The following ADAMTS20 variants were observed in gnomAD, a reference collection of about 807,000 sequenced individuals.
ADAMTS20 encodes the protein A disintegrin and metalloproteinase with thrombospondin motifs 20.
ADAMTS20 carries 225 observed loss-of-function variants against 260.1 expected under a neutral mutation model. That is an observed-to-expected ratio of 0.87 (90% CI 0.78 to 0.97). The LOEUF is 0.97. Among genes scored for constraint, ADAMTS20 ranks in the 50% least tolerant of loss-of-function variants. The pLI is 0.00. For missense variants in ADAMTS20, 2,400 were observed against 2,337.7 expected (o/e 1.03, Z -0.55); for synonymous variants, 802 against 769.5 (o/e 1.04, Z -0.70).
At chr12:43,494,270 T>C (rs1401553128) in intron 4 of ADAMTS20, among the ~76,000 whole-genome samples, 1 of 152,196 alleles carries the variant, frequency 6.6e-6, no homozygotes, top group Non-Finnish European at 1.5e-5. Flanking sequence ...CTTTGTTGGC[T>C]AGAGAAGCAG....
intron 3 of ADAMTS20, among the ~76,000 whole-genome samples, chr12:43,515,359 T>C (rs1199761632): frequency 6.6e-6 from 1 of 152,242 alleles, no homozygotes; most frequent in Admixed American, 6.5e-5. Context: ...CCTTTTGTTA[T>C]TAACTCTGTA....
chr12:43,354,167 A>G lies in ADAMTS20; in HGVS notation c.*42T>C, dbSNP rs374443025. On this transcript the variant is annotated 3_prime_UTR_variant, in exon 39 of 39. Coordinates refer to ENST00000389420, the MANE Select transcript of ADAMTS20 (RefSeq NM_025003.5). Reference sequence around the variant, plus strand: ...AGCACCAGTTATTTGAATATTCCAGAGAATATCCCCTCTTTAGGGCATACT... The same window carrying G: ...AGCACCAGTTATTTGAATATTCCAGGGAATATCCCCTCTTTAGGGCATACT... 62 of 1,375,514 alleles carry G rather than the reference A, an allele frequency of 4.5e-5. No homozygotes were observed. The African/African-American group carries it at 7.8e-4, about 17-fold the overall frequency. The allele number at this position is 1,375,514 out of a possible 1,614,324, so 85.2% of individuals were successfully genotyped here.
intron 26 of ADAMTS20, 103 bp from the exon 27 acceptor site, chr12:43,427,572 C>T (rs1166541808): frequency 8.9e-6 from 10 of 1,118,084 alleles, no homozygotes; most frequent in Non-Finnish European, 1.2e-5. Context: ...AAAATCAAAC[C>T]CTACATTAGA....
At chr12:43,518,281 A>G (rs116384449) in intron 3 of ADAMTS20, among the ~76,000 whole-genome samples, 303 of 152,248 alleles carry the variant, frequency 2.0e-3, no homozygotes, top group African/African-American at 6.9e-3. Flanking sequence ...AAGGTCACCA[A>G]TCACCTACTT....
At chr12:43,412,361 T>A (rs1292010769) in intron 28 of ADAMTS20, among the ~76,000 whole-genome samples, 1 of 152,250 alleles carries the variant, frequency 6.6e-6, no homozygotes, top group Non-Finnish European at 1.5e-5. Flanking sequence ...AAAGTTGCAA[T>A]GTATATGCAC....
chr12:43,431,464 C>T lies in ADAMTS20; in HGVS notation c.3129G>A (p.Gln1043=), dbSNP rs1176157690. The change falls in exon 22 of 39, where the codon CAG becomes CAA. Residue 1043 remains glutamine (Q), a synonymous_variant. Coordinates refer to ENST00000389420, the MANE Select transcript of ADAMTS20 (RefSeq NM_025003.5). ...CLVTCGKGTK[Q]RQVWCQLNVD... is the part of the protein sequence containing the mutation. ...CATTCAGCTGACACCATACCTGCCGCTGCTTTGTTCCTTTACCACATGTAA... is the reference window on the plus strand; with the variant it reads ...CATTCAGCTGACACCATACCTGCCGTTGCTTTGTTCCTTTACCACATGTAA... 8 of 1,613,850 alleles carry T rather than the reference C, an allele frequency of 5.0e-6. No individual in the cohort carries two copies. The highest frequency in any genetic ancestry group is 6.8e-6 in the Non-Finnish European group (8 of 1,179,876).
intron 28 of ADAMTS20, chr12:43,423,526 G>C (rs1239914611): frequency 1.7e-6 from 1 of 581,738 alleles, no homozygotes; most frequent in African/African-American, 1.9e-5. Flanking sequence ...CTCATTAGCA[G>C]TTAGGATTCT....
At chr12:43,445,629 G>C (rs187446766) in intron 15 of ADAMTS20, among the ~76,000 whole-genome samples, 173 of 151,990 alleles carry the variant, frequency 1.1e-3, no homozygotes, top group African/African-American at 4.1e-3. Context: ...AGGATCCCTT[G>C]AGGCTAGGAG....
intron 29 of ADAMTS20, among the ~76,000 whole-genome samples, chr12:43,393,317 G>A (rs1940634884): frequency 6.6e-6 from 1 of 151,970 alleles, no homozygotes; most frequent in South Asian, 2.1e-4. Flanking sequence ...GAAGCTGTAA[G>A]TGCAATTATA....
At chr12:43,503,320 G>C (rs1051328654) in intron 3 of ADAMTS20, among the ~76,000 whole-genome samples, 1 of 152,090 alleles carries the variant, frequency 6.6e-6, no homozygotes, top group East Asian at 1.9e-4. Context: ...AAGAAATAAA[G>C]GTCCTGGATA....
chr12:43,475,954 A>C (rs1001275861), intron 7 of ADAMTS20, among the ~76,000 whole-genome samples: 1 of 134,786 alleles, frequency 7.4e-6, no homozygotes, highest in African/African-American at 2.8e-5. Flanking sequence ...CATGTCCAAA[A>C]CACCAAAAGC....
rs578096371 is a variant in ADAMTS20 at position 43,393,742 on chromosome 12, C to A, written c.4452+5324G>T. ...CAAGGGAATCAATAATATAGTAGTA[C>A]CATTAGCAGTAGTATAGTATTTTGA... On this transcript the variant is annotated intron_variant, in intron 29 of 38. Coordinates refer to ENST00000389420, the MANE Select transcript of ADAMTS20 (RefSeq NM_025003.5). Among the ~76,000 whole-genome samples the A allele has an allele frequency of 1.6e-4, 25 of 151,910 alleles. 1 individual carries two copies. The South Asian group carries it at 5.0e-3, about 30-fold the overall frequency.
chr12:43,375,253 G>A, intron 36 of ADAMTS20, 126 bp downstream of exon 36: 5 of 789,640 alleles, frequency 6.3e-6, no homozygotes, highest in East Asian at 4.1e-5. Context: ...TTTAAAAAAA[G>A]TAAGTAATTT....
rs182051571 is a variant in ADAMTS20 at position 43,396,138 on chromosome 12, C to T, written c.4452+2928G>A. ...TATACATTTGAACATAGAGGACAAA[C>T]GGCCCTGTATAGCAATGTTTGTTCC... On this transcript the variant is annotated intron_variant, in intron 29 of 38. Coordinates refer to ENST00000389420, the MANE Select transcript of ADAMTS20 (RefSeq NM_025003.5). Among the ~76,000 whole-genome samples, 639 of 151,856 alleles carry T rather than the reference C, an allele frequency of 4.2e-3. 4 individuals carry two copies. Among genetic ancestry groups the T allele is most frequent in the Non-Finnish European group, 7.4e-3 (506 of 67,954 alleles).
chr12:43,382,825 G>A (rs1202497939), intron 31 of ADAMTS20, among the ~76,000 whole-genome samples: 1 of 139,688 alleles, frequency 7.2e-6, no homozygotes, highest in Non-Finnish European at 1.5e-5. Context: ...TAATGGCTTA[G>A]ATAAAAAAAC....
At chr12:43,498,008 G>A (rs1942701380) in intron 4 of ADAMTS20, among the ~76,000 whole-genome samples, 1 of 152,002 alleles carries the variant, frequency 6.6e-6, no homozygotes, top group South Asian at 2.1e-4. Context: ...TACATTTTTA[G>A]TAGCTTAATA....
chr12:43,371,475 A>C lies in ADAMTS20; in HGVS notation c.5447-2094T>G, dbSNP rs149099501. On this transcript the variant is annotated intron_variant, in intron 36 of 38. Coordinates refer to ENST00000389420, the MANE Select transcript of ADAMTS20 (RefSeq NM_025003.5). ...TATAAAACAAATATTACAGTATGTT[A>C]GGGGTGATACTTGCTATGGAAAGAA... 1.9e-3 allele frequency among the ~76,000 whole-genome samples: 288 copies of C among 152,324 alleles called. 3 individuals carry two copies. The highest frequency in any genetic ancestry group is 6.3e-3 in the African/African-American group (264 of 41,582).
At chr12:43,465,195 A>G (rs559770389) in intron 9 of ADAMTS20, among the ~76,000 whole-genome samples, 14 of 152,198 alleles carry the variant, frequency 9.2e-5, no homozygotes, top group Admixed American at 2.6e-4. Context: ...AGAAGCTTCA[A>G]AAAGTTTTAT....
chr12:43,387,396 C>T (rs750415710), intron 29 of ADAMTS20, among the ~76,000 whole-genome samples: 1 of 152,150 alleles, frequency 6.6e-6, no homozygotes, highest in Non-Finnish European at 1.5e-5. Flanking sequence ...CAGATGCCAG[C>T]TGGAGCTCCC....
Sources: gnomAD v4.1 joint callset for allele counts (sites outside exome capture counted in the v4.1 genomes callset) on GRCh38, gnomAD v4.1.1 for gene constraint, MANE v1.5 for transcripts, NCBI Gene and HGNC (gene_info 2026-07-23, HGNC 2026-07-21) for gene names.